Variants in ACMSD observed in about 807,000 individuals in gnomAD.
The protein encoded by ACMSD is aminocarboxymuconate semialdehyde decarboxylase.
A neutral mutation model predicts 45.9 loss-of-function variants in ACMSD; 37 were observed. The observed-to-expected ratio is 0.81, with a 90% CI of 0.62 to 1.06. ACMSD has a LOEUF of 1.06. Among genes scored for constraint, ACMSD ranks in the 50% least tolerant of loss-of-function variants. The pLI is 0.00. For missense variants in ACMSD, 434 were observed against 420.9 expected, an observed-to-expected ratio of 1.03 and a Z score of -0.27; for synonymous variants, 138 against 148.8, an observed-to-expected ratio of 0.93 and a Z score of 0.53.
At chr2:134,850,884 G>A (rs1325966664) in intron 2 of ACMSD, among the ~76,000 whole-genome samples, 2 of 152,048 alleles carry the variant, frequency 1.3e-5, no homozygotes, top group African/African-American at 2.4e-5. Flanking sequence ...GATTGAACCC[G>A]CCACCCAGTT....
intron 7 of ACMSD, among the ~76,000 whole-genome samples, chr2:134,872,030 C>G (rs1688478643): frequency 2.0e-5 from 3 of 150,692 alleles, no homozygotes; most frequent in Admixed American, 2.0e-4. Context: ...AATCTCGGCT[C>G]ACTGCACCCT....
intron 8 of ACMSD, among the ~76,000 whole-genome samples, chr2:134,886,246 ATTT>A (rs756206850): frequency 8.7e-5 from 10 of 115,450 alleles, no homozygotes; most frequent in African/African-American, 3.2e-4. Context: ...TATTATTATT[ATTT>A]TTTTTTTTTT....
At chr2:134,864,293 G>GA (rs954419980) in intron 5 of ACMSD, among the ~76,000 whole-genome samples, 2 of 150,868 alleles carry the variant, frequency 1.3e-5, no homozygotes, top group East Asian at 1.9e-4. Flanking sequence ...ATCTGCTTTG[G>GA]AAAAAAAATA....
At chr2:134,888,147 A>G (rs559769393) in intron 8 of ACMSD, among the ~76,000 whole-genome samples, 69 of 152,334 alleles carry the variant, frequency 4.5e-4, no homozygotes, top group African/African-American at 7.9e-4. Context: ...TATATCCAAA[A>G]TTTATAAAGA....
intron 7 of ACMSD, among the ~76,000 whole-genome samples, chr2:134,871,678 GACAGACACAC>G (rs1421458969): frequency 2.9e-5 from 4 of 137,636 alleles, no homozygotes; most frequent in Non-Finnish European, 3.1e-5. Context: ...CCCTTCAACA[GACAGACACAC>G]ACACACACAC....
chr2:134,898,360 C>T lies in ACMSD; in HGVS notation c.869C>T (p.Thr290Ile). ...TTTTAGGATAAAGTCATTTTGGGAA[C>T]CGATTACCCCTTTCCACTAGGTGAG... ...VIGKDKVILGTDYPFPLGELE... is the reference protein window; with the variant it reads ...VIGKDKVILGIDYPFPLGELE... Residue 290 changes from threonine to isoleucine, a missense_variant, in exon 9 of 10, where the codon ACC becomes ATC. Physicochemically the swap from Thr to Ile is moderately conservative, Grantham distance 89. Coordinates refer to ENST00000356140, the MANE Select transcript of ACMSD (RefSeq NM_138326.3). 6.3e-7 allele frequency: 1 copy of T among 1,584,072 alleles called. No homozygotes were observed. The highest frequency in any genetic ancestry group is 1.9e-5 in the Admixed American group (1 of 53,590).
chr2:134,899,996 A>G (rs1201568877), intron 9 of ACMSD, among the ~76,000 whole-genome samples: 1 of 152,182 alleles, frequency 6.6e-6, no homozygotes, highest in Non-Finnish European at 1.5e-5. Context: ...CAAGAAACTG[A>G]TCAAACTCTG....
rs1686996680 is a variant in ACMSD, at chr2:134,845,269, C to A, written c.94C>A (p.His32Asn). Residue 32 changes from histidine (H) to asparagine (N), a missense_variant, in exon 2 of 10, where the codon CAC (histidine) becomes AAC (asparagine). Coordinates refer to ENST00000356140, the MANE Select transcript of ACMSD (RefSeq NM_138326.3). The part of the protein sequence containing the change: ...GYGGWVQLQH[H>N]SKGEAKLLKD... ...CGGAGGCTGGGTGCAGCTCCAACAC[C>A]ACAGCAAGGTGAGTTTCTTCCAAAG... The A allele has an allele frequency of 6.2e-7, 1 of 1,614,054 alleles. No individual in the cohort carries two copies.
chr2:134,901,543 C>T (rs989831839), intron 9 of ACMSD, among the ~76,000 whole-genome samples: 10 of 152,170 alleles, frequency 6.6e-5, no homozygotes, highest in Non-Finnish European at 1.3e-4. Flanking sequence ...AGTTTCCAAA[C>T]AAGGGCACCT....
At chr2:134,876,974 T>C (rs1402194172) in intron 8 of ACMSD, among the ~76,000 whole-genome samples, 2 of 152,168 alleles carry the variant, frequency 1.3e-5, no homozygotes, top group South Asian at 2.1e-4. Context: ...GGTTTCACGA[T>C]GTTAGCCAGG....
At chr2:134,901,533 A>T (rs763046197) in intron 9 of ACMSD, among the ~76,000 whole-genome samples, 1 of 152,192 alleles carries the variant, frequency 6.6e-6, no homozygotes, top group Non-Finnish European at 1.5e-5. Context: ...TAGAGGGTCC[A>T]GTTTCCAAAC....
Position 134,896,661 on chromosome 2 carries a change from C to T in ACMSD, c.850-1680C>T, listed in dbSNP as rs1559072181. Among the ~76,000 whole-genome samples, 3 of 152,206 alleles carry T rather than the reference C, an allele frequency of 2.0e-5. No homozygotes were observed. The South Asian group carries it at 6.2e-4, about 32-fold the overall frequency. ...CAAAAAGATGAATAACCAATGTTGG[C>T]GAGGATCTGGAGAAACTGGAACCCT... On this transcript the variant is annotated intron_variant, in intron 8 of 9. Coordinates refer to ENST00000356140, the MANE Select transcript of ACMSD (RefSeq NM_138326.3).
At chr2:134,892,249 T>C (rs1689832525) in intron 8 of ACMSD, among the ~76,000 whole-genome samples, 1 of 151,834 alleles carries the variant, frequency 6.6e-6, no homozygotes, top group African/African-American at 2.4e-5. Context: ...AAATCGGGTA[T>C]AACTGGAAAA....
intron 7 of ACMSD, among the ~76,000 whole-genome samples, chr2:134,871,426 G>A (rs548133042): frequency 2.6e-5 from 4 of 151,998 alleles, no homozygotes; most frequent in South Asian, 2.1e-4. Flanking sequence ...AATTCAGTTC[G>A]TAACATCCTT....
At chr2:134,870,881 T>C in intron 6 of ACMSD, 84 bp from the exon 7 acceptor site, 1 of 1,209,334 alleles carries the variant, frequency 8.3e-7, no homozygotes, top group South Asian at 1.3e-5. Flanking sequence ...TTCTTTGCAC[T>C]GACAATTCCC....
intron 8 of ACMSD, among the ~76,000 whole-genome samples, chr2:134,885,246 AT>A (rs11353169): frequency 0.054 from 6,209 of 114,638 alleles, 298 homozygotes; most frequent in African/African-American, 0.12. Context: ...GTAAATATAT[AT>A]TTATATATAA....
chr2:134,879,423 C>T (rs1431243141), intron 8 of ACMSD, among the ~76,000 whole-genome samples: 1 of 152,218 alleles, frequency 6.6e-6, no homozygotes, highest in African/African-American at 2.4e-5. Context: ...AGTTCCAAAG[C>T]CACTCCCACA....
intron 8 of ACMSD, among the ~76,000 whole-genome samples, chr2:134,886,246 ATTTTTTT>A (rs756206850): frequency 4.3e-5 from 5 of 115,476 alleles, no homozygotes; most frequent in Non-Finnish European, 7.1e-5. Flanking sequence ...TATTATTATT[ATTTTTTT>A]TTTTTTTTTT....
chr2:134,875,021 G>A (rs1426704703), intron 8 of ACMSD, among the ~76,000 whole-genome samples: 1 of 152,178 alleles, frequency 6.6e-6, no homozygotes, highest in East Asian at 1.9e-4. Flanking sequence ...GGGAAAGTGA[G>A]TCAGGGTTTC....
Sources: allele counts gnomAD v4.1 joint callset (sites outside exome capture counted in the v4.1 genomes callset), GRCh38; gene constraint gnomAD v4.1.1; transcripts MANE v1.5; gene names NCBI Gene and HGNC (gene_info 2026-07-23, HGNC 2026-07-21).